EYA4: variants seen among roughly 807,000 people sequenced by gnomAD.
The protein encoded by EYA4 is protein phosphatase EYA4.
EYA4 carries 31 observed loss-of-function variants against 87.9 expected under a neutral mutation model. That is an observed-to-expected ratio of 0.35 (90% CI 0.27 to 0.48). The LOEUF (loss-of-function observed/expected upper bound fraction) is 0.48, where lower values mean the gene tolerates loss of function less well. EYA4 is among the 20% of genes least tolerant of loss of function. The pLI is 0.99. For missense variants in EYA4, 678 were observed against 761.4 expected (o/e 0.89, Z 1.29); for synonymous variants, 263 against 270.6 (o/e 0.97, Z 0.28).
chr6:133,336,548 A>T (rs947711389), intron 2 of EYA4, among the ~76,000 whole-genome samples: 5 of 152,228 alleles, frequency 3.3e-5, no homozygotes, highest in Non-Finnish European at 5.9e-5. Context: ...TAGAGTGGAT[A>T]TTTCAGACAA....
chr6:133,403,929 G>C (rs1165935657), intron 3 of EYA4, among the ~76,000 whole-genome samples: 1 of 152,164 alleles, frequency 6.6e-6, no homozygotes, highest in East Asian at 1.9e-4. Flanking sequence ...TCCTGCCTCA[G>C]CCTCACGAGT....
chr6:133,245,905 A>G (rs1774368404), intron 1 of EYA4, among the ~76,000 whole-genome samples: 1 of 152,150 alleles, frequency 6.6e-6, no homozygotes, highest in South Asian at 2.1e-4. Flanking sequence ...CTTTGGTGAT[A>G]TGTCATTTTA....
intron 2 of EYA4, among the ~76,000 whole-genome samples, chr6:133,281,250 G>T (rs778675549): frequency 2.6e-5 from 4 of 152,094 alleles, no homozygotes; most frequent in Non-Finnish European, 5.9e-5. Context: ...CTCCCATTTT[G>T]TGGGTTGTCT....
At chr6:133,254,615 T>C (rs1313363747) in intron 1 of EYA4, among the ~76,000 whole-genome samples, 1 of 152,200 alleles carries the variant, frequency 6.6e-6, no homozygotes, top group Admixed American at 6.5e-5. Flanking sequence ...TCCAATAGTT[T>C]CAAAAATTGT....
Position 133,433,350 on chromosome 6 carries a change from G to C in EYA4, c.84-13280G>C, listed in dbSNP as rs1791355548. ...CTTAGAACACATAGAATTCAGCCAA[G>C]CGCATGCCAGAGGCTCGGATATTTA... On this transcript the variant is annotated intron_variant, in intron 3 of 19. Coordinates refer to ENST00000355286, the MANE Select transcript of EYA4 (RefSeq NM_004100.5). Among the ~76,000 whole-genome samples the C allele has an allele frequency of 2.0e-5, 3 of 152,208 alleles. No individual in the cohort carries two copies. The South Asian group carries it at 6.2e-4, about 31-fold the overall frequency.
intron 3 of EYA4, among the ~76,000 whole-genome samples, chr6:133,413,699 G>A (rs1452673520): frequency 1.3e-5 from 2 of 152,002 alleles, no homozygotes; most frequent in African/African-American, 4.8e-5. Flanking sequence ...CATACCCATA[G>A]CTTGAATACC....
intron 10 of EYA4, among the ~76,000 whole-genome samples, chr6:133,466,300 A>G (rs1393686632): frequency 2.0e-5 from 3 of 152,212 alleles, no homozygotes; most frequent in East Asian, 3.9e-4. Context: ...AGAGTTAATC[A>G]TAGAACAGAT....
At chr6:133,305,679 G>A (rs1203597830) in intron 2 of EYA4, among the ~76,000 whole-genome samples, 1 of 152,074 alleles carries the variant, frequency 6.6e-6, no homozygotes, top group Non-Finnish European at 1.5e-5. Context: ...AGCCTCCTTA[G>A]CATGTTTTCT....
intron 10 of EYA4, among the ~76,000 whole-genome samples, chr6:133,466,552 A>G (rs1245499976): frequency 6.6e-6 from 1 of 152,150 alleles, no homozygotes; most frequent in Non-Finnish European, 1.5e-5. Context: ...CAGTAAACAC[A>G]CAAATAAATG....
At chr6:133,273,097 G>GTATATGTATATATATATATATATATATA (rs1776854991) in intron 1 of EYA4, among the ~76,000 whole-genome samples, 1 of 106,638 alleles carries the variant, frequency 9.4e-6, no homozygotes, top group African/African-American at 3.2e-5. Flanking sequence ...ATATATATAT[G>GTATATGTATATATATATATATATATATA]TATATATATA....
intron 11 of EYA4, among the ~76,000 whole-genome samples, chr6:133,474,998 A>G (rs1795601813): frequency 6.6e-6 from 1 of 152,108 alleles, no homozygotes; most frequent in South Asian, 2.1e-4. Flanking sequence ...AATATCCAAA[A>G]CTTAAAAGGT....
intron 6 of EYA4, among the ~76,000 whole-genome samples, chr6:133,458,451 C>G (rs1431808120): frequency 1.3e-5 from 2 of 152,048 alleles, no homozygotes; most frequent in African/African-American, 2.4e-5. Context: ...TTGGACAGCT[C>G]AGATACAGAA....
At chr6:133,400,139 AATG>A (rs1788133825) in intron 3 of EYA4, among the ~76,000 whole-genome samples, 1 of 152,208 alleles carries the variant, frequency 6.6e-6, no homozygotes, top group Non-Finnish European at 1.5e-5. Context: ...TTCATGATAA[AATG>A]AAATACACTG....
intron 3 of EYA4, among the ~76,000 whole-genome samples, chr6:133,443,799 GT>G (rs1277964124): frequency 6.6e-6 from 1 of 151,944 alleles, no homozygotes; most frequent in Non-Finnish European, 1.5e-5. Flanking sequence ...GAAGTGTAGT[GT>G]TTAATTTTCA....
chr6:133,439,124 TTTAGCA>T (rs1451093346), intron 3 of EYA4, among the ~76,000 whole-genome samples: 4 of 150,962 alleles, frequency 2.6e-5, no homozygotes, highest in Non-Finnish European at 1.5e-5. Flanking sequence ...TTTACGAGCA[TTTAGCA>T]TTGACTGTAA....
chr6:133,368,316 A>G (rs1486270814), intron 2 of EYA4, among the ~76,000 whole-genome samples: 3 of 152,214 alleles, frequency 2.0e-5, no homozygotes, highest in Non-Finnish European at 4.4e-5. Flanking sequence ...GAAGAAAATT[A>G]CAATCCACCC....
At chr6:133,340,279 C>A (rs971485788) in intron 2 of EYA4, among the ~76,000 whole-genome samples, 7 of 152,152 alleles carry the variant, frequency 4.6e-5, no homozygotes, top group African/African-American at 1.7e-4. Context: ...TGGTATAATC[C>A]TGTGTCCTGT....
intron 17 of EYA4, among the ~76,000 whole-genome samples, chr6:133,522,131 GAA>G (rs962541416): frequency 7.3e-6 from 1 of 136,222 alleles, no homozygotes. Context: ...AAAAAAAAAG[GAA>G]AAAAAAAAAT....
At chr6:133,363,771 G>T (rs967369040) in intron 2 of EYA4, among the ~76,000 whole-genome samples, 1 of 152,170 alleles carries the variant, frequency 6.6e-6, no homozygotes, top group Non-Finnish European at 1.5e-5. Context: ...CACCGCGCCC[G>T]GCGAGACCTT....
Sources: allele counts gnomAD v4.1 joint callset (sites outside exome capture counted in the v4.1 genomes callset), GRCh38; gene constraint gnomAD v4.1.1; transcripts MANE v1.5; gene names NCBI Gene and HGNC (gene_info 2026-07-23, HGNC 2026-07-21).